Variants in LRMDA observed in about 807,000 individuals in gnomAD.
The protein encoded by LRMDA is leucine-rich melanocyte differentiation-associated protein.
Under a neutral mutation model 29.8 loss-of-function variants are expected in LRMDA, and 18 were observed. That is an observed-to-expected ratio of 0.60 (90% confidence interval 0.42 to 0.90). The LOEUF (loss-of-function observed/expected upper bound fraction) is 0.90, where lower values mean the gene tolerates loss of function less well. LRMDA is among the 40% of genes least tolerant of loss of function. The probability of loss-of-function intolerance (pLI) is 0.00; values close to 1 mark genes in which losing one functional copy is unlikely to be tolerated. For synonymous variants in LRMDA, 125 were observed against 109.4 expected (o/e 1.14, Z -0.89); for missense variants, 273 against 273.9 (o/e 1.00, Z 0.02).
intron 5 of LRMDA, among the ~76,000 whole-genome samples, chr10:76,299,603 CTTT>C (rs34214231): frequency 2.0e-5 from 2 of 99,502 alleles, no homozygotes; most frequent in Admixed American, 8.9e-5. Context: ...CCCTTCCTTT[CTTT>C]TTTTTTTTTT....
rs965542579 is a variant in LRMDA at position 76,558,585 on chromosome 10, A to G, written c.*1297A>G. On this transcript the variant is annotated 3_prime_UTR_variant, in exon 7 of 7. Transcript: ENST00000611255. Reference sequence around the variant, plus strand: ...TAGTGTTTATTTTTCTGCTTCTTCCATTTAGACCAAGTGTTCATTGTCCTC... The same window carrying G: ...TAGTGTTTATTTTTCTGCTTCTTCCGTTTAGACCAAGTGTTCATTGTCCTC... The G allele has an allele frequency of 6.6e-6, 1 of 152,200 alleles. No homozygotes were observed. Among genetic ancestry groups the G allele is most frequent in the Non-Finnish European group, 1.5e-5 (1 of 68,034 alleles). 9.4% of individuals were successfully genotyped at this position (152,200 alleles called of 1,614,324 possible). A position where few individuals can be genotyped will look rare whatever the true frequency, so the allele number is the denominator to read the frequency against.
chr10:75,814,934 G>T (rs1416421415), intron 2 of LRMDA, among the ~76,000 whole-genome samples: 1 of 152,108 alleles, frequency 6.6e-6, no homozygotes, highest in Non-Finnish European at 1.5e-5. Context: ...TCTTACCATT[G>T]CTCTTCTGTT....
At chr10:76,237,785 CTTTTTT>C (rs33976322) in intron 5 of LRMDA, among the ~76,000 whole-genome samples, 1 of 84,118 alleles carries the variant, frequency 1.2e-5, no homozygotes, top group East Asian at 4.3e-4. Context: ...GACAAGAGTG[CTTTTTT>C]TTTTTTTTTT....
intron 2 of LRMDA, among the ~76,000 whole-genome samples, chr10:76,019,746 A>C (rs1324898354): frequency 6.6e-6 from 1 of 152,124 alleles, no homozygotes; most frequent in Non-Finnish European, 1.5e-5. Flanking sequence ...GCTTGGATTC[A>C]TTGAAATGCA....
intron 6 of LRMDA, among the ~76,000 whole-genome samples, chr10:76,401,125 T>C (rs1380022424): frequency 6.6e-6 from 1 of 152,182 alleles, no homozygotes; most frequent in African/African-American, 2.4e-5. Flanking sequence ...AGGCTTCTTC[T>C]GATTCATCTT....
chr10:75,438,140 T>A (rs751792655), intron 1 of LRMDA, among the ~76,000 whole-genome samples: 9 of 152,180 alleles, frequency 5.9e-5, no homozygotes, highest in Non-Finnish European at 1.3e-4. Flanking sequence ...TCTGGCCAAT[T>A]TTAGTCCAAT....
intron 5 of LRMDA, among the ~76,000 whole-genome samples, chr10:76,133,506 C>T (rs1016319874): frequency 3.9e-5 from 6 of 152,104 alleles, no homozygotes; most frequent in Non-Finnish European, 8.8e-5. Context: ...TTCAGGCCCC[C>T]GGGTGCAGGT....
intron 6 of LRMDA, among the ~76,000 whole-genome samples, chr10:76,347,930 A>T (rs1841128567): frequency 6.6e-6 from 1 of 152,190 alleles, no homozygotes; most frequent in Non-Finnish European, 1.5e-5. Context: ...AGGATAGTAA[A>T]AATTAAAACA....
intron 5 of LRMDA, among the ~76,000 whole-genome samples, chr10:76,208,476 G>T (rs538382976): frequency 1.3e-5 from 2 of 152,120 alleles, no homozygotes; most frequent in African/African-American, 4.8e-5. Flanking sequence ...AAGGAAACAT[G>T]GACCTCAATC....
intron 5 of LRMDA, among the ~76,000 whole-genome samples, chr10:76,222,071 GA>G (rs1480380739): frequency 6.6e-6 from 1 of 152,012 alleles, no homozygotes; most frequent in African/African-American, 2.4e-5. Flanking sequence ...GCCATATGTA[GA>G]AAGCTGAAAC....
intron 2 of LRMDA, among the ~76,000 whole-genome samples, chr10:75,864,682 A>G (rs1844991462): frequency 6.6e-6 from 1 of 152,228 alleles, no homozygotes; most frequent in Non-Finnish European, 1.5e-5. Flanking sequence ...ACAATTTGGC[A>G]GTGATTCTTT....
At chr10:75,963,563 T>A (rs1422400655) in intron 2 of LRMDA, among the ~76,000 whole-genome samples, 1 of 152,176 alleles carries the variant, frequency 6.6e-6, no homozygotes, top group Admixed American at 6.5e-5. Context: ...GAAAGATTAT[T>A]TTAGTGGGAA....
intron 2 of LRMDA, among the ~76,000 whole-genome samples, chr10:75,893,882 G>A (rs1372100127): frequency 1.1e-4 from 16 of 147,764 alleles, no homozygotes; most frequent in Admixed American, 5.4e-4. Context: ...GCAGTCAGCC[G>A]AGATCACACC....
chr10:76,344,575 A>G (rs1305583756), intron 6 of LRMDA, among the ~76,000 whole-genome samples: 1 of 152,186 alleles, frequency 6.6e-6, no homozygotes, highest in Non-Finnish European at 1.5e-5. Context: ...TGCAAAGATA[A>G]TAGCTGGGAT....
At chr10:75,741,521 C>G (rs933031509) in intron 2 of LRMDA, among the ~76,000 whole-genome samples, 2 of 152,032 alleles carry the variant, frequency 1.3e-5, no homozygotes, top group African/African-American at 4.8e-5. Context: ...TGGTAACCTT[C>G]ATCTGTGGAA....
intron 2 of LRMDA, among the ~76,000 whole-genome samples, chr10:75,994,216 G>A (rs920683937): frequency 1.3e-5 from 2 of 152,304 alleles, no homozygotes; most frequent in Middle Eastern, 3.4e-3. Flanking sequence ...AACTGACCAG[G>A]TGCTGCTTCC....
intron 5 of LRMDA, among the ~76,000 whole-genome samples, chr10:76,068,593 A>C (rs1055593657): frequency 1.3e-5 from 2 of 152,218 alleles, no homozygotes; most frequent in Non-Finnish European, 1.5e-5. Flanking sequence ...GGCAGAGCCC[A>C]GGCAGTAATG....
intron 2 of LRMDA, among the ~76,000 whole-genome samples, chr10:75,687,784 A>T (rs1842100571): frequency 6.6e-6 from 1 of 152,188 alleles, no homozygotes; most frequent in Admixed American, 6.5e-5. Flanking sequence ...GGACAGGCTG[A>T]TTCTCTTTTT....
chr10:76,162,254 A>G (rs1453978808), intron 5 of LRMDA, among the ~76,000 whole-genome samples: 7 of 152,166 alleles, frequency 4.6e-5, no homozygotes, highest in African/African-American at 1.7e-4. Flanking sequence ...AGGTAGGTGG[A>G]GGGAAGAAGA....
Sources: allele counts gnomAD v4.1 joint callset (sites outside exome capture counted in the v4.1 genomes callset), GRCh38; gene constraint gnomAD v4.1.1; transcripts MANE v1.5; gene names NCBI Gene and HGNC (gene_info 2026-07-23, HGNC 2026-07-21).